Variants in DLG2 observed in about 807,000 individuals in gnomAD.
DLG2 encodes discs large MAGUK scaffold protein 2, also known as disks large homolog 2.
In DLG2, 45 loss-of-function variants were observed where a neutral mutation model predicts 132.5. The ratio of observed to expected loss-of-function variants is 0.34; its 90% CI spans 0.27 to 0.44. The LOEUF (loss-of-function observed/expected upper bound fraction) is 0.44, where lower values mean the gene tolerates loss of function less well. Among genes scored for constraint, DLG2 ranks in the 20% least tolerant of loss-of-function variants. The pLI, the probability that DLG2 is intolerant of heterozygous loss-of-function variation, is 1.00. For synonymous variants in DLG2, 424 were observed against 419.6 expected, an observed-to-expected ratio of 1.01 and a Z score of -0.13; for missense variants, 1,045 against 1,196.9, an observed-to-expected ratio of 0.87 and a Z score of 1.87.
chr11:83,914,804 C>T lies in DLG2; in HGVS notation c.1496+15524G>A, dbSNP rs533361964. 1.2e-4 allele frequency among the ~76,000 whole-genome samples: 18 copies of T among 152,240 alleles called. 1 individual carries two copies. In the South Asian group the frequency reaches 3.5e-3, roughly 30 times the overall value. ...TGTAATGAACATACTTTTTGATGTG[C>T]TTCAGAGCATTTGAGGATCGATATC... On this transcript the variant is annotated intron_variant, in intron 15 of 27. Coordinates refer to ENST00000376104, the MANE Select transcript of DLG2 (RefSeq NM_001142699.3).
rs544302519 is a variant in DLG2 at position 84,687,618 on chromosome 11, A to C, written c.358-152887T>G. On this transcript the variant is annotated intron_variant, in intron 6 of 27. Coordinates refer to ENST00000376104, the MANE Select transcript of DLG2 (RefSeq NM_001142699.3). ...TATTTCACTCTTATGACTCATTTGC[A>C]CAATAGCCTCCAGGTATTCAAAATG... Among the ~76,000 whole-genome samples, 3 of 152,298 alleles carry C rather than the reference A, an allele frequency of 2.0e-5. No homozygotes were observed. In the South Asian group the frequency reaches 6.2e-4, roughly 32 times the overall value.
chr11:84,688,536 AG>A (rs1407374433), intron 6 of DLG2, among the ~76,000 whole-genome samples: 1 of 152,196 alleles, frequency 6.6e-6, no homozygotes, highest in Non-Finnish European at 1.5e-5. Context: ...GTACTGCTTT[AG>A]GCATTGGAGA....
chr11:84,576,330 C>G (rs1471689268), intron 6 of DLG2, among the ~76,000 whole-genome samples: 1 of 152,158 alleles, frequency 6.6e-6, no homozygotes, highest in Non-Finnish European at 1.5e-5. Context: ...CAATCTTTCT[C>G]TATAAAGAAT....
At chr11:85,444,387 C>T (rs536612510) in intron 3 of DLG2, among the ~76,000 whole-genome samples, 1 of 152,130 alleles carries the variant, frequency 6.6e-6, no homozygotes, top group South Asian at 2.1e-4. Context: ...CTATGGCTAA[C>T]AGGCAGTATG....
intron 7 of DLG2, among the ~76,000 whole-genome samples, chr11:84,267,111 T>C (rs892019662): frequency 2.0e-5 from 3 of 152,184 alleles, no homozygotes; most frequent in African/African-American, 4.8e-5. Context: ...CCTAGGTTCT[T>C]TCCTGGTCTT....
At chr11:85,335,370 A>G (rs1321099492) in intron 3 of DLG2, among the ~76,000 whole-genome samples, 2 of 151,960 alleles carry the variant, frequency 1.3e-5, no homozygotes, top group Non-Finnish European at 2.9e-5. Context: ...TCTTTATCCA[A>G]TTTGCCACTC....
chr11:83,948,946 A>G (rs914155745), intron 14 of DLG2, among the ~76,000 whole-genome samples: 12 of 152,246 alleles, frequency 7.9e-5, no homozygotes, highest in African/African-American at 2.9e-4. Flanking sequence ...GCATAAAGTG[A>G]AAATAATAAC....
At chr11:84,352,254 C>A (rs915652046) in intron 7 of DLG2, among the ~76,000 whole-genome samples, 2 of 152,132 alleles carry the variant, frequency 1.3e-5, no homozygotes, top group Non-Finnish European at 2.9e-5. Context: ...CATTATAGCT[C>A]TACCACATTC....
At chr11:84,686,126 T>C (rs2099737945) in intron 6 of DLG2, among the ~76,000 whole-genome samples, 1 of 152,162 alleles carries the variant, frequency 6.6e-6, no homozygotes, top group South Asian at 2.1e-4. Context: ...AACAGGACAT[T>C]TGGCTCGAGC....
intron 6 of DLG2, among the ~76,000 whole-genome samples, chr11:84,663,449 A>C (rs2099696830): frequency 6.6e-6 from 1 of 152,070 alleles, no homozygotes; most frequent in Non-Finnish European, 1.5e-5. Context: ...TTGACAGGAT[A>C]TCCTAAAAGG....
chr11:84,838,016 G>A (rs1197244950), intron 6 of DLG2, among the ~76,000 whole-genome samples: 1 of 151,752 alleles, frequency 6.6e-6, no homozygotes, highest in Non-Finnish European at 1.5e-5. Context: ...TGATATCACT[G>A]ATCTAAGAAT....
At chr11:84,217,974 C>A (rs1300390748) in intron 8 of DLG2, among the ~76,000 whole-genome samples, 2 of 152,020 alleles carry the variant, frequency 1.3e-5, no homozygotes, top group South Asian at 2.1e-4. Context: ...TAGAGACCAG[C>A]CTAGCCAACA....
chr11:84,879,446 T>G (rs554446178), intron 6 of DLG2, among the ~76,000 whole-genome samples: 1 of 152,280 alleles, frequency 6.6e-6, no homozygotes, highest in African/African-American at 2.4e-5. Context: ...GCATTTAAGC[T>G]TATGTATTCA....
chr11:84,127,390 A>T (rs774746531), intron 9 of DLG2, among the ~76,000 whole-genome samples: 6 of 152,266 alleles, frequency 3.9e-5, no homozygotes, highest in Non-Finnish European at 8.8e-5. Flanking sequence ...CTAAAGCTCT[A>T]TGTAATCTTT....
At chr11:83,567,039 C>T (rs1470472323) in intron 19 of DLG2, among the ~76,000 whole-genome samples, 2 of 152,044 alleles carry the variant, frequency 1.3e-5, no homozygotes, top group African/African-American at 2.4e-5. Flanking sequence ...GATTTTTGCA[C>T]AGGAACGGTT....
At chr11:85,010,257 T>C (rs572178420) in intron 6 of DLG2, among the ~76,000 whole-genome samples, 4 of 152,230 alleles carry the variant, frequency 2.6e-5, no homozygotes, top group Admixed American at 2.6e-4. Context: ...CAAGATAATG[T>C]CTTTCCCTCT....
intron 6 of DLG2, among the ~76,000 whole-genome samples, chr11:84,726,885 G>C (rs1437216055): frequency 6.6e-6 from 1 of 152,084 alleles, no homozygotes; most frequent in East Asian, 1.9e-4. Flanking sequence ...ATGTCTGTTG[G>C]CTGCATAAAT....
intron 16 of DLG2, among the ~76,000 whole-genome samples, chr11:83,839,040 C>T (rs1027720017): frequency 2.0e-5 from 3 of 152,110 alleles, no homozygotes; most frequent in African/African-American, 7.2e-5. Context: ...TGCCCATTAC[C>T]CATTTATGTT....
chr11:83,682,325 G>A (rs1381563327), intron 18 of DLG2: 1 of 985,212 alleles, frequency 1.0e-6, no homozygotes, highest in Non-Finnish European at 1.2e-6. Flanking sequence ...TTATAAAACA[G>A]CCCCTCCTAG....
Sources: gnomAD v4.1 joint callset for allele counts (sites outside exome capture counted in the v4.1 genomes callset) on GRCh38, gnomAD v4.1.1 for gene constraint, MANE v1.5 for transcripts, NCBI Gene and HGNC (gene_info 2026-07-23, HGNC 2026-07-21) for gene names.